Variants in PALD1 observed in about 807,000 individuals in gnomAD.
PALD1 encodes phosphatase domain containing paladin 1.
In PALD1, 57 loss-of-function variants were observed where a neutral mutation model predicts 96.0. The observed-to-expected ratio is 0.59, with a 90% CI of 0.48 to 0.74. The LOEUF is 0.74. Among genes scored for constraint, PALD1 ranks in the 30% least tolerant of loss-of-function variants. PALD1 has a pLI of 0.00. For missense variants in PALD1, 1,063 were observed against 1,143.7 expected (o/e 0.93, Z 1.02); for synonymous variants, 464 against 473.6 (o/e 0.98, Z 0.26).
In PALD1 at chr10:70,568,214, G is replaced by A. The variant is rs550579307; in HGVS notation, c.*1481G>A. 7 of 152,732 alleles carry A rather than the reference G, an allele frequency of 4.6e-5. No homozygotes were observed. Among genetic ancestry groups the A allele is most frequent in the African/African-American group, 7.2e-5 (3 of 41,498 alleles). 9.5% of individuals were successfully genotyped at this position (152,732 alleles called of 1,614,324 possible). On this transcript the variant is annotated 3_prime_UTR_variant, in exon 20 of 20. Coordinates refer to ENST00000263563, the MANE Select transcript of PALD1 (RefSeq NM_014431.3). ...TTCTTTGCAGACAAGGTCTAGATGC[G>A]GAGTCAGAGATGGGACTGAATGGGG...
intron 1 of PALD1, among the ~76,000 whole-genome samples, chr10:70,524,507 C>T (rs1303928870): frequency 6.6e-6 from 1 of 152,166 alleles, no homozygotes; most frequent in South Asian, 2.1e-4. Context: ...CCATATTACC[C>T]AGTGTTTGGA....
At chr10:70,527,825 C>T (rs991489481) in intron 2 of PALD1, among the ~76,000 whole-genome samples, 2 of 152,148 alleles carry the variant, frequency 1.3e-5, no homozygotes, top group African/African-American at 4.8e-5. Flanking sequence ...TACATGTGCA[C>T]AACGTGCATG....
intron 5 of PALD1, 110 bp from the exon 6 acceptor site, chr10:70,532,511 G>A (rs925882614): frequency 1.5e-5 from 16 of 1,086,996 alleles, no homozygotes; most frequent in Admixed American, 4.5e-5. Flanking sequence ...GGGGGCAGAA[G>A]CCTGCCTGTG....
intron 1 of PALD1, among the ~76,000 whole-genome samples, chr10:70,500,580 TCCCAGC>T (rs1846275106): frequency 6.6e-6 from 1 of 152,180 alleles, no homozygotes; most frequent in African/African-American, 2.4e-5. Flanking sequence ...ATCCTTTAAG[TCCCAGC>T]TCTGTTCCTT....
the PALD1 span, among the ~76,000 whole-genome samples, chr10:70,463,136 G>T: frequency 5.1e-4 from 78 of 152,212 alleles, no homozygotes; most frequent in Admixed American, 3.9e-4. Context: ...CGGTCATGGT[G>T]GCTCACGCCT....
chr10:70,545,716 G>C (rs1176770957), intron 17 of PALD1, among the ~76,000 whole-genome samples: 1 of 151,998 alleles, frequency 6.6e-6, no homozygotes, highest in Non-Finnish European at 1.5e-5. Context: ...GGGATTACAG[G>C]TATGAGCCAC....
At chr10:70,557,458 G>A (rs17599009) in intron 18 of PALD1, among the ~76,000 whole-genome samples, 26,874 of 152,182 alleles carry the variant, frequency 0.18, 2,868 homozygotes, top group Admixed American at 0.33. Flanking sequence ...CATGCAGAGT[G>A]GCCCACGGCA....
At chr10:70,519,573 C>CTTTTTTT (rs1192092171) in intron 1 of PALD1, among the ~76,000 whole-genome samples, 6 of 133,668 alleles carry the variant, frequency 4.5e-5, no homozygotes, top group South Asian at 2.4e-4. Context: ...TTCTTTCTTT[C>CTTTTTTT]TTTTTTTTTT....
Position 70,539,484 on chromosome 10 carries a change from G to A in PALD1, c.1726-96G>A. 8.1e-6 allele frequency: 10 copies of A among 1,236,326 alleles called. No homozygotes were observed. Among genetic ancestry groups the A allele is most frequent in the Non-Finnish European group, 9.9e-6 (9 of 906,996 alleles). 76.6% of individuals were successfully genotyped at this position (1,236,326 alleles called of 1,614,324 possible). A position where few individuals can be genotyped will look rare whatever the true frequency, so the allele number is the denominator to read the frequency against. On this transcript the variant is annotated intron_variant, in intron 14 of 19. Coordinates refer to ENST00000263563, the MANE Select transcript of PALD1 (RefSeq NM_014431.3). The surrounding 1 kb of genome is among the most constrained non-coding windows in gnomAD (Gnocchi z 4.5). ...GGGGGGGTCAGGGATGGGACTGGAA[G>A]CCAGGGCCAGGCCTGGCCATGGCAG...
intron 18 of PALD1, among the ~76,000 whole-genome samples, chr10:70,563,613 TC>T (rs991523048): frequency 1.1e-4 from 17 of 152,184 alleles, no homozygotes; most frequent in Non-Finnish European, 1.6e-4. Context: ...CTGTTACCTG[TC>T]CCCAGCCTTG....
chr10:70,535,920 T>G (rs777092959), intron 10 of PALD1, among the ~76,000 whole-genome samples: 1 of 152,158 alleles, frequency 6.6e-6, no homozygotes, highest in Non-Finnish European at 1.5e-5. Context: ...ACTCCTGGCC[T>G]CAAGCAGTCC....
At chr10:70,533,197 T>C in intron 7 of PALD1, 127 bp downstream of exon 7, 1 of 747,862 alleles carries the variant, frequency 1.3e-6, no homozygotes, top group Non-Finnish European at 2.3e-6. Flanking sequence ...TATGTGAGCA[T>C]GTTAGGGTGG....
chr10:70,513,893 C>A (rs1211340106), intron 1 of PALD1, among the ~76,000 whole-genome samples: 2 of 152,200 alleles, frequency 1.3e-5, no homozygotes, highest in Admixed American at 6.5e-5. Flanking sequence ...TGATGGCTGG[C>A]CCACACCCGG....
intron 1 of PALD1, among the ~76,000 whole-genome samples, chr10:70,498,556 A>G (rs1846235045): frequency 1.3e-5 from 2 of 151,098 alleles, no homozygotes; most frequent in Admixed American, 6.6e-5. Flanking sequence ...TTGAGATAAC[A>G]ATCATGAGCC....
At chr10:70,552,855 T>A (rs1009082000) in intron 18 of PALD1, among the ~76,000 whole-genome samples, 3 of 152,222 alleles carry the variant, frequency 2.0e-5, no homozygotes, top group African/African-American at 7.2e-5. Flanking sequence ...TTGGTTGACG[T>A]GGCCCTAAGT....
chr10:70,493,992 C>G (rs541123148), intron 1 of PALD1, among the ~76,000 whole-genome samples: 18 of 152,206 alleles, frequency 1.2e-4, no homozygotes, highest in Non-Finnish European at 2.4e-4. Flanking sequence ...AGCCAGTGTC[C>G]TTACTGTGGC....
At chr10:70,514,336 C>T (rs190067665) in intron 1 of PALD1, among the ~76,000 whole-genome samples, 82 of 152,380 alleles carry the variant, frequency 5.4e-4, no homozygotes, top group African/African-American at 1.9e-3. Context: ...TGCATTTCCA[C>T]ACGTCCTCTA....
At chr10:70,555,578 G>A (rs551311075) in intron 18 of PALD1, among the ~76,000 whole-genome samples, 1 of 152,316 alleles carries the variant, frequency 6.6e-6, no homozygotes, top group East Asian at 1.9e-4. Flanking sequence ...TTGGTCCTGC[G>A]ACCAAAGGAG....
intron 1 of PALD1, among the ~76,000 whole-genome samples, chr10:70,501,453 C>T (rs1415674201): frequency 6.6e-6 from 1 of 152,210 alleles, no homozygotes. Flanking sequence ...AAGCCATGGG[C>T]CTCTGGTGAG....
Sources: gnomAD v4.1 joint callset for allele counts (sites outside exome capture counted in the v4.1 genomes callset) on GRCh38, gnomAD v4.1.1 for gene constraint, Gnocchi (gnomAD v3.1) non-coding constraint, MANE v1.5 for transcripts, NCBI Gene and HGNC (gene_info 2026-07-23, HGNC 2026-07-21) for gene names.